The following ERCC6 variants were observed in gnomAD, a reference collection of about 807,000 sequenced individuals.
ERCC6 encodes the protein ERCC excision repair 6, chromatin remodeling factor.
In ERCC6, 116 loss-of-function variants were observed where a neutral mutation model predicts 158.7. The ratio of observed to expected loss-of-function variants is 0.73; its 90% CI spans 0.63 to 0.85. The LOEUF is 0.85. Among genes scored for constraint, ERCC6 ranks in the 40% least tolerant of loss-of-function variants. The pLI is 0.00. For missense variants in ERCC6, 1,698 were observed against 1,799.4 expected (o/e 0.94, Z 1.02); for synonymous variants, 678 against 659.3 (o/e 1.03, Z -0.43).
chr10:49,500,412 A>G, intron 7 of ERCC6, 126 bp downstream of exon 7: 1 of 1,191,888 alleles, frequency 8.4e-7, no homozygotes, highest in South Asian at 1.3e-5. Flanking sequence ...TCCCCCACTA[A>G]AAGAATTAAA....
intron 5 of ERCC6, among the ~76,000 whole-genome samples, chr10:49,522,096 C>T (rs1386642131): frequency 6.6e-6 from 1 of 152,056 alleles, no homozygotes; most frequent in African/African-American, 2.4e-5. Context: ...AAATTCTAAC[C>T]ACTAAAAAAA....
chr10:49,531,743 C>A (rs1414251064), intron 2 of ERCC6, among the ~76,000 whole-genome samples: 1 of 152,188 alleles, frequency 6.6e-6, no homozygotes, highest in Non-Finnish European at 1.5e-5. Flanking sequence ...GTACCAACAA[C>A]CACATTCATG....
At chr10:49,519,679 C>T (rs1167304495) in intron 5 of ERCC6, among the ~76,000 whole-genome samples, 1 of 152,194 alleles carries the variant, frequency 6.6e-6, no homozygotes, top group Non-Finnish European at 1.5e-5. Flanking sequence ...CAATTATTTG[C>T]TGAGTGTGGG....
At chr10:49,502,067 T>C (rs768326383) in intron 6 of ERCC6, 2 of 152,206 alleles carry the variant, frequency 1.3e-5, no homozygotes, top group Admixed American at 1.3e-4. Flanking sequence ...GTTGTTTTGC[T>C]GTCCAAATAC....
Position 49,482,692 on chromosome 10 carries a change from C to G in ERCC6, c.2164G>C (p.Val722Leu). 1 of 1,613,568 alleles carries G rather than the reference C, an allele frequency of 6.2e-7. No homozygotes were observed. Among genetic ancestry groups the G allele is most frequent in the Non-Finnish European group, 8.5e-7 (1 of 1,179,628 alleles). ...TTATCATCCTAATATTTTACCTGTA[C>G]TGGGGAAGCATTTGAATATCCCCCC... is the stretch of plus-strand genomic sequence containing the variant. ...TMGGYSNASP[V>L]QVKTAYKCAC... The change falls in exon 10 of 21, where the codon GTA becomes CTA. Residue 722 changes from valine (V) to leucine (L), a missense_variant. Physicochemically the swap from Val to Leu is conservative, Grantham distance 32 (BLOSUM62 1). Transcript: ENST00000355832.
At chr10:49,482,557 T>TTTTA in intron 10 of ERCC6, 130 bp downstream of exon 10, 1 of 668,276 alleles carries the variant, frequency 1.5e-6, no homozygotes, top group Non-Finnish European at 2.4e-6. Flanking sequence ...TTTTTTTTTT[T>TTTTA]AACCAGATAC....
At chr10:49,534,133 CAAAAAAAAAAAA>C (rs746772551) in intron 1 of ERCC6, among the ~76,000 whole-genome samples, 1 of 60,320 alleles carries the variant, frequency 1.7e-5, no homozygotes, top group South Asian at 7.7e-4. Context: ...GACTCAATCT[CAAAAAAAAAAAA>C]AAAAAAAAAC....
chr10:49,436,356 A>C, the ERCC6 span, among the ~76,000 whole-genome samples: 1 of 152,214 alleles, frequency 6.6e-6, no homozygotes, highest in Non-Finnish European at 1.5e-5. Context: ...CTATATATAA[A>C]AAAGTAAGCT....
rs775089627 is a variant in ERCC6, at chr10:49,459,123, T to C, written c.4174A>G (p.Lys1392Glu). ...GPLASSSLLA[K>E]MRARNHLILP... ...ATCAGGTGGTTTCTAGCTCTCATTT[T>C]AGCCAAGAGTGAGGAGGAAGCGAGG... Residue 1392 changes from lysine (K) to glutamate (E), a missense_variant, in exon 21 of 21, where the codon AAA becomes GAA. Transcript: ENST00000355832. 6.2e-7 allele frequency: 1 copy of C among 1,614,272 alleles called. No individual in the cohort carries two copies. The highest frequency in any genetic ancestry group is 1.7e-5 in the Admixed American group (1 of 60,034).
intron 5 of ERCC6, chr10:49,506,384 C>A: frequency 3.9e-6 from 1 of 257,936 alleles, no homozygotes; most frequent in South Asian, 4.7e-5. Context: ...AGTGTCTTCA[C>A]AACCGCAATA....
At position 49,478,708 on chromosome 10, in the gene ERCC6, TACA is replaced by T. The variant is rs1376305745; in HGVS notation, c.2170-241_2170-239del. On this transcript the variant is annotated intron_variant, in intron 10 of 20. Transcript: ENST00000355832. Reference sequence around the variant, plus strand: ...AAAAATTATCTCATTAACCAAAATGTACAACAAAAGAAAAACTGATAATTTTGT... The same window carrying T: ...AAAAATTATCTCATTAACCAAAATGTACAAAAGAAAAACTGATAATTTTGT... Among the ~76,000 whole-genome samples the T allele has an allele frequency of 2.0e-5, 3 of 152,152 alleles. No individual in the cohort carries two copies. In the East Asian group the frequency reaches 5.8e-4, roughly 29 times the overall value.
chr10:49,508,042 TGA>T (rs1280393158), intron 5 of ERCC6, among the ~76,000 whole-genome samples: 4 of 152,172 alleles, frequency 2.6e-5, no homozygotes, highest in Non-Finnish European at 4.4e-5. Context: ...GTTTACATAA[TGA>T]GAGAGTCCTC....
At chr10:49,522,734 C>A (rs183001273) in intron 5 of ERCC6, among the ~76,000 whole-genome samples, 26 of 152,182 alleles carry the variant, frequency 1.7e-4, no homozygotes, top group African/African-American at 6.3e-4. Flanking sequence ...TAATTCCTTG[C>A]AGTAGTTAAG....
At chr10:49,461,871 A>G (rs765232010) in intron 18 of ERCC6, among the ~76,000 whole-genome samples, 2 of 152,240 alleles carry the variant, frequency 1.3e-5, no homozygotes, top group Admixed American at 6.5e-5. Context: ...TGTAAAGCCT[A>G]TATGGAGAAG....
At position 49,517,092 on chromosome 10, in the gene ERCC6, T is replaced by A. The variant is rs143305574; in HGVS notation, c.1397+6941A>T. 8.1e-6 allele frequency: 13 copies of A among 1,599,068 alleles called. No homozygotes were observed. The highest frequency in any genetic ancestry group is 1.7e-4 in the Middle Eastern group (1 of 6,004). ...TGTCTCTAAAAGGTCAGTTATTTCA[T>A]GTAAACTTAGTGTTCGAGGCATCTT... On this transcript the variant is annotated intron_variant, in intron 5 of 20. Transcript: ENST00000355832.
chr10:49,482,974 C>A, intron 9 of ERCC6, 111 bp from the exon 10 acceptor site: 1 of 1,146,734 alleles, frequency 8.7e-7, no homozygotes, highest in Admixed American at 1.9e-5. Context: ...ATCATTCTTG[C>A]ATCATTTTGG....
At chr10:49,517,520 A>G (rs1837017499) in intron 5 of ERCC6, among the ~76,000 whole-genome samples, 1 of 152,236 alleles carries the variant, frequency 6.6e-6, no homozygotes, top group Non-Finnish European at 1.5e-5. Flanking sequence ...TAACTCCCAC[A>G]TGCTTAGCGT....
rs1475256493 is a variant in ERCC6 at position 49,471,053 on chromosome 10, AT to A, written c.2991del (p.Lys997AsnfsTer11). The A allele has an allele frequency of 1.9e-6, 3 of 1,614,004 alleles. No homozygotes were observed. Among genetic ancestry groups the A allele is most frequent in the Non-Finnish European group, 2.5e-6 (3 of 1,179,998 alleles). ...GTAAATAGCTCATAGAGATCATTGGATTTGAAAAACCGCCTTTGTTTTGGGT... is the reference window on the plus strand; with the variant it reads ...GTAAATAGCTCATAGAGATCATTGGATTGAAAAACCGCCTTTGTTTTGGGT... ...LKDPKQRRFF[K>X]SNDLYELFTL... On this transcript the variant is annotated frameshift_variant, in exon 17 of 21. Coordinates refer to ENST00000355832, the MANE Select transcript of ERCC6 (RefSeq NM_000124.4). LOFTEE classifies it high-confidence loss of function.
At chr10:49,516,549 A>C (rs754807035) in intron 5 of ERCC6, 1 of 1,613,922 alleles carries the variant, frequency 6.2e-7, no homozygotes, top group Admixed American at 1.7e-5. Context: ...ATAACCACTC[A>C]GAAAAATAAT....
Sources: gnomAD v4.1 joint callset for allele counts (sites outside exome capture counted in the v4.1 genomes callset) on GRCh38, gnomAD v4.1.1 for gene constraint, MANE v1.5 for transcripts, NCBI Gene and HGNC (gene_info 2026-07-23, HGNC 2026-07-21) for gene names.